Variants in TMIGD3 observed in about 807,000 individuals in gnomAD.
TMIGD3 encodes AD026 protein (AD026).
TMIGD3 carries 21 observed loss-of-function variants against 28.1 expected under a neutral mutation model. The observed-to-expected ratio is 0.75, with a 90% CI of 0.53 to 1.08. The LOEUF (loss-of-function observed/expected upper bound fraction) is 1.08. TMIGD3 is among the 50% of genes least tolerant of loss of function. The pLI is 0.00. For missense variants in TMIGD3, 416 were observed against 435.6 expected (o/e 0.96, Z 0.40); for synonymous variants, 151 against 162.1 (o/e 0.93, Z 0.52).
chr1:111,507,012 T>TATACATATATACACACAC, upstream of TMIGD3, among the ~76,000 whole-genome samples: 2 of 39,200 alleles, frequency 5.1e-5, no homozygotes, highest in Non-Finnish European at 1.2e-4. Flanking sequence ...CACACATATG[T>TATACATATATACACACAC]GTGTGTGTGT....
At chr1:111,516,654 C>T (rs1048993317) in intron 1 of TMIGD3, among the ~76,000 whole-genome samples, 4 of 152,168 alleles carry the variant, frequency 2.6e-5, no homozygotes, top group Non-Finnish European at 4.4e-5. Context: ...AAGGCCTCAG[C>T]TCCCATTATT....
chr1:111,502,084 AAT>A (rs869196537), intron 1 of TMIGD3, among the ~76,000 whole-genome samples: 13,611 of 49,966 alleles, frequency 0.27, 2,857 homozygotes, highest in Non-Finnish European at 0.36. Context: ...TATTATAATA[AAT>A]ATATATAGGA....
At chr1:111,499,090 C>CAAAAAAAAAAAAAAAAA in intron 1 of TMIGD3, among the ~76,000 whole-genome samples, 1 of 135,666 alleles carries the variant, frequency 7.4e-6, no homozygotes, top group African/African-American at 2.7e-5. Flanking sequence ...GACCTTGTCT[C>CAAAAAAAAAAAAAAAAA]AAAAAAAAAA....
intron 1 of TMIGD3, among the ~76,000 whole-genome samples, chr1:111,556,706 A>C (rs897484443): frequency 2.6e-5 from 4 of 152,256 alleles, no homozygotes; most frequent in Admixed American, 6.5e-5. Context: ...ATTGGGATAG[A>C]AAGTATAATG....
At chr1:111,561,875 T>C (rs544535157) in intron 1 of TMIGD3, among the ~76,000 whole-genome samples, 1 of 152,200 alleles carries the variant, frequency 6.6e-6, no homozygotes, top group African/African-American at 2.4e-5. Context: ...CCAAGCATTT[T>C]TGGCCCGGAC....
At chr1:111,562,117 T>A (rs1399030043) in intron 1 of TMIGD3, among the ~76,000 whole-genome samples, 1 of 152,170 alleles carries the variant, frequency 6.6e-6, no homozygotes, top group African/African-American at 2.4e-5. Context: ...GCTTGTGCCA[T>A]TTCTTTTCTA....
chr1:111,539,942 T>C (rs2789535), intron 1 of TMIGD3, among the ~76,000 whole-genome samples: 64,184 of 151,986 alleles, frequency 0.42, 14,728 homozygotes, highest in Admixed American at 0.56. Context: ...GTTTGGTGCG[T>C]GACTAATGAT....
At chr1:111,523,159 C>A (rs1386112431) in intron 1 of TMIGD3, among the ~76,000 whole-genome samples, 1 of 152,106 alleles carries the variant, frequency 6.6e-6, no homozygotes, top group Non-Finnish European at 1.5e-5. Flanking sequence ...ATGTTTTTTT[C>A]TATTCCTACT....
At chr1:111,560,466 A>G (rs1216807077) in intron 1 of TMIGD3, among the ~76,000 whole-genome samples, 1 of 113,392 alleles carries the variant, frequency 8.8e-6, no homozygotes, top group Non-Finnish European at 1.7e-5. Flanking sequence ...TAGCAGGTAC[A>G]CAATATCCAA....
intron 1 of TMIGD3, among the ~76,000 whole-genome samples, chr1:111,530,289 C>A (rs1047060427): frequency 3.3e-5 from 5 of 152,036 alleles, no homozygotes; most frequent in Non-Finnish European, 7.4e-5. Flanking sequence ...CATTTTACTT[C>A]TTTATGTTAT....
At position 111,525,186 on chromosome 1, in the gene TMIGD3, T is replaced by C. The variant is rs189740491; in HGVS notation, c.108-34424A>G. Among the ~76,000 whole-genome samples, 14 of 152,320 alleles carry C rather than the reference T, an allele frequency of 9.2e-5. No homozygotes were observed. The East Asian group carries it at 2.5e-3, about 27-fold the overall frequency. On this transcript the variant is annotated intron_variant, in intron 1 of 5. Coordinates refer to the TMIGD3 transcript ENST00000369717. ...TCTATAACTGCCAGTTTGGCCTAGT[T>C]TATTGATGGTGTTATTCAGTCTTTC...
chr1:111,506,914 T>TATA (rs1655513920), upstream of TMIGD3, among the ~76,000 whole-genome samples: 1 of 13,572 alleles, frequency 7.4e-5, no homozygotes, highest in African/African-American at 2.1e-4. Context: ...ATATATATAT[T>TATA]ATATATATAT....
At chr1:111,553,410 A>G (rs1346999050) in intron 1 of TMIGD3, among the ~76,000 whole-genome samples, 3 of 152,206 alleles carry the variant, frequency 2.0e-5, no homozygotes, top group South Asian at 4.1e-4. Context: ...CCACTATGCT[A>G]TGATTAATAG....
At chr1:111,558,167 C>A (rs1224795477) in intron 1 of TMIGD3, among the ~76,000 whole-genome samples, 1 of 151,996 alleles carries the variant, frequency 6.6e-6, no homozygotes, top group Non-Finnish European at 1.5e-5. Context: ...TTAAAAAAGT[C>A]AATATGGAAA....
intron 1 of TMIGD3, among the ~76,000 whole-genome samples, chr1:111,512,763 G>T (rs189568358): frequency 6.6e-6 from 1 of 152,316 alleles, no homozygotes; most frequent in East Asian, 1.9e-4. Flanking sequence ...CCACCCTGTG[G>T]GCTACTGAAC....
chr1:111,548,256 A>T (rs1407482311), intron 1 of TMIGD3, among the ~76,000 whole-genome samples: 2 of 152,174 alleles, frequency 1.3e-5, no homozygotes, highest in Admixed American at 1.3e-4. Context: ...CCTGGCCTCA[A>T]GCGACCCACC....
chr1:111,512,375 C>G (rs564462967), intron 1 of TMIGD3, among the ~76,000 whole-genome samples: 3 of 152,258 alleles, frequency 2.0e-5, no homozygotes, highest in Non-Finnish European at 4.4e-5. Context: ...CTCACCCCAA[C>G]GTGCTCCAGA....
intron 1 of TMIGD3, among the ~76,000 whole-genome samples, chr1:111,527,063 TGCA>T (rs1656291233): frequency 7.6e-6 from 1 of 131,352 alleles, no homozygotes; most frequent in Admixed American, 1.0e-4. Context: ...CAGGCTAGAG[TGCA>T]GTGGTGTGAT....
Position 111,488,690 on chromosome 1 carries a change from A to G in TMIGD3, c.792T>C (p.Phe264=), listed in dbSNP as rs753265126. The part of the protein sequence containing the change: ...TDDKGTLAND[F]WSGKDLSGNK... ...CAGGCTCCTTACCTTTCCCAGACCA[A>G]AAGTCATTGGCCAGGGTTCCTTTGT... The change falls in exon 3 of 6, where the codon TTT becomes TTC. Residue 264 remains phenylalanine, a synonymous_variant. Coordinates refer to ENST00000369716, the MANE Select transcript of TMIGD3 (RefSeq NM_020683.7). 5 of 1,613,368 alleles carry G rather than the reference A, an allele frequency of 3.1e-6. No individual in the cohort carries two copies. The Admixed American group carries it at 5.0e-5, about 16-fold the overall frequency.
Sources: allele counts gnomAD v4.1 joint callset (sites outside exome capture counted in the v4.1 genomes callset), GRCh38; gene constraint gnomAD v4.1.1; transcripts MANE v1.5; gene names NCBI Gene and HGNC (gene_info 2026-07-23, HGNC 2026-07-21).